IQGAP2: variants seen among roughly 807,000 people sequenced by gnomAD.
IQGAP2 encodes the protein IQ motif containing GTPase activating protein 2, also known as ras GTPase-activating-like protein IQGAP2.
Under a neutral mutation model 201.3 loss-of-function variants are expected in IQGAP2, and 173 were observed. That is an observed-to-expected ratio of 0.86 (90% CI 0.76 to 0.98). The LOEUF (loss-of-function observed/expected upper bound fraction) is 0.98, where lower values mean the gene tolerates loss of function less well. IQGAP2 is among the 50% of genes least tolerant of loss of function. The pLI, the probability that IQGAP2 is intolerant of heterozygous loss-of-function variation, is 0.00. For missense variants in IQGAP2, 1,687 were observed against 1,864.8 expected (o/e 0.90, Z 1.76); for synonymous variants, 675 against 673.9 (o/e 1.00, Z -0.03).
At chr5:76,448,086 G>T (rs956366497) in intron 1 of IQGAP2, among the ~76,000 whole-genome samples, 1 of 152,172 alleles carries the variant, frequency 6.6e-6, no homozygotes, top group African/African-American at 2.4e-5. Flanking sequence ...TCTCCTAAGG[G>T]TAGCGTGGCT....
rs991231573 is a variant in IQGAP2 at position 76,707,928 on chromosome 5, ACT to A, written c.*618_*619del. The A allele has an allele frequency of 3.8e-4, 58 of 152,608 alleles. No individual in the cohort carries two copies. Among genetic ancestry groups the A allele is most frequent in the African/African-American group, 1.4e-3 (56 of 41,428 alleles). The allele number at this position is 152,608 out of a possible 1,614,324, so 9.5% of individuals were successfully genotyped here. A position where few individuals can be genotyped will look rare whatever the true frequency, so the allele number is the denominator to read the frequency against. On this transcript the variant is annotated 3_prime_UTR_variant, in exon 36 of 36. Transcript: ENST00000274364. ...AAGTGCACTACTGCCTCATGTAAAGACTCTTGCACGCAGAGCCTTTAAGTGAC... is the reference window on the plus strand; with the variant it reads ...AAGTGCACTACTGCCTCATGTAAAGACTTGCACGCAGAGCCTTTAAGTGAC...
At chr5:76,669,166 G>A (rs1222273048) in intron 23 of IQGAP2, among the ~76,000 whole-genome samples, 1 of 152,142 alleles carries the variant, frequency 6.6e-6, no homozygotes. Flanking sequence ...TTAACAGGTG[G>A]GAATGCAGAG....
chr5:76,493,276 C>T (rs1756674136), intron 2 of IQGAP2, among the ~76,000 whole-genome samples: 1 of 151,994 alleles, frequency 6.6e-6, no homozygotes. Flanking sequence ...GGGCCCCGCC[C>T]GCCCCTCACC....
At chr5:76,519,918 G>A (rs369596805) in intron 2 of IQGAP2, among the ~76,000 whole-genome samples, 23 of 152,142 alleles carry the variant, frequency 1.5e-4, no homozygotes, top group African/African-American at 4.6e-4. Context: ...TGAGTTCTTC[G>A]TATATTTGGA....
At chr5:76,611,290 C>G (rs1241995817) in intron 13 of IQGAP2, 107 bp downstream of exon 13, 4 of 740,556 alleles carry the variant, frequency 5.4e-6, no homozygotes, top group Non-Finnish European at 8.6e-6. Context: ...AGCTTCTTGT[C>G]CCAACAATTA....
At chr5:76,636,502 AGTT>A (rs1325311746) in intron 15 of IQGAP2, among the ~76,000 whole-genome samples, 2 of 152,170 alleles carry the variant, frequency 1.3e-5, no homozygotes, top group Non-Finnish European at 2.9e-5. Flanking sequence ...TCCCCACTTT[AGTT>A]GACCTTTGTG....
At chr5:76,481,455 T>C (rs529780486) in intron 2 of IQGAP2, among the ~76,000 whole-genome samples, 8 of 151,998 alleles carry the variant, frequency 5.3e-5, no homozygotes, top group Non-Finnish European at 1.2e-4. Flanking sequence ...CAATCTTGGC[T>C]CTCTGAAACC....
chr5:76,609,183 A>G lies in IQGAP2; in HGVS notation c.1358-1837A>G, dbSNP rs1453260010. 1.8e-5 allele frequency: 27 copies of G among 1,535,862 alleles called. No homozygotes were observed. In the East Asian group the frequency reaches 3.4e-4, roughly 19 times the overall value. ...GCTGAAATGCACTCACTTCCAGGTG[A>G]TCGGCCTTGGTTCTGTTAAGACCAT... On this transcript the variant is annotated intron_variant, in intron 12 of 35. Transcript: ENST00000274364.
At chr5:76,423,161 G>A (rs1751815712) in intron 1 of IQGAP2, among the ~76,000 whole-genome samples, 1 of 152,154 alleles carries the variant, frequency 6.6e-6, no homozygotes, top group African/African-American at 2.4e-5. Context: ...AATCAACTCA[G>A]TATAGCCATT....
At chr5:76,428,236 T>C (rs1752124911) in intron 1 of IQGAP2, among the ~76,000 whole-genome samples, 1 of 152,030 alleles carries the variant, frequency 6.6e-6, no homozygotes, top group East Asian at 1.9e-4. Context: ...ACACCTTCTT[T>C]CCTAGCTCAG....
intron 2 of IQGAP2, among the ~76,000 whole-genome samples, chr5:76,550,777 T>G (rs1743411431): frequency 6.6e-6 from 1 of 152,274 alleles, no homozygotes; most frequent in Non-Finnish European, 1.5e-5. Flanking sequence ...AGTAACAATC[T>G]GATCTCTCTT....
At chr5:76,471,487 T>C (rs1028997996) in intron 2 of IQGAP2, among the ~76,000 whole-genome samples, 2 of 152,044 alleles carry the variant, frequency 1.3e-5, no homozygotes, top group African/African-American at 4.8e-5. Context: ...GGGACAGTTA[T>C]ATATGTGCCC....
chr5:76,421,910 A>G (rs1228491462), intron 1 of IQGAP2, among the ~76,000 whole-genome samples: 1 of 152,210 alleles, frequency 6.6e-6, no homozygotes, highest in Admixed American at 6.5e-5. Context: ...CAAGGTCTTA[A>G]CTTCCCTAGC....
At chr5:76,703,797 G>C (rs1023590630) in intron 35 of IQGAP2, among the ~76,000 whole-genome samples, 3 of 151,752 alleles carry the variant, frequency 2.0e-5, no homozygotes, top group African/African-American at 7.3e-5. Context: ...ATCTTACCTG[G>C]GCCCCAAACT....
rs555462726 is a variant in IQGAP2, at chr5:76,538,468, AC to A, written c.147-23925del. Among the ~76,000 whole-genome samples, 11 of 152,262 alleles carry A rather than the reference AC, an allele frequency of 7.2e-5. No individual in the cohort carries two copies. In the East Asian group the frequency reaches 2.1e-3, roughly 29 times the overall value. On this transcript the variant is annotated intron_variant, in intron 2 of 35. Coordinates refer to ENST00000274364, the MANE Select transcript of IQGAP2 (RefSeq NM_006633.5). Reference sequence around the variant, plus strand: ...GCTCCATGGAGAGTGGCCATGAGGGACCCAGAGCTGACCTCTGCCTGCCTCA... The same window carrying A: ...GCTCCATGGAGAGTGGCCATGAGGGACCAGAGCTGACCTCTGCCTGCCTCA...
At chr5:76,597,721 G>T in intron 10 of IQGAP2, 119 bp downstream of exon 10, 1 of 1,009,802 alleles carries the variant, frequency 9.9e-7, no homozygotes, top group Non-Finnish European at 1.5e-6. Flanking sequence ...ACCAGTCCTG[G>T]TCTCACTGGC....
chr5:76,562,744 C>T (rs1457873435), intron 3 of IQGAP2, among the ~76,000 whole-genome samples, 192 bp downstream of exon 3: 1 of 152,174 alleles, frequency 6.6e-6, no homozygotes, highest in Non-Finnish European at 1.5e-5. Flanking sequence ...TCTGGTCTGA[C>T]ACTAAGAGAC....
At chr5:76,672,422 T>C (rs946437489) in intron 24 of IQGAP2, among the ~76,000 whole-genome samples, 5 of 152,238 alleles carry the variant, frequency 3.3e-5, no homozygotes, top group African/African-American at 7.2e-5. Flanking sequence ...AAAGGATGTC[T>C]GTGAAATAAA....
intron 30 of IQGAP2, among the ~76,000 whole-genome samples, chr5:76,686,965 CA>C (rs1449392525): frequency 6.6e-6 from 1 of 152,206 alleles, no homozygotes; most frequent in Non-Finnish European, 1.5e-5. Context: ...CTACTCCATT[CA>C]CTTATATGTC....
Sources: gnomAD v4.1 joint callset for allele counts (sites outside exome capture counted in the v4.1 genomes callset) on GRCh38, gnomAD v4.1.1 for gene constraint, MANE v1.5 for transcripts, NCBI Gene and HGNC (gene_info 2026-07-23, HGNC 2026-07-21) for gene names.